Variants in ENTHD1 observed in about 807,000 individuals in gnomAD.
ENTHD1 encodes the protein ENTH domain-containing protein 1.
A neutral mutation model predicts 39.1 loss-of-function variants in ENTHD1; 23 were observed. The ratio of observed to expected loss-of-function variants is 0.59; its 90% confidence interval spans 0.42 to 0.83. The LOEUF is 0.83. ENTHD1 is among the 40% of genes least tolerant of loss of function. The pLI is 0.00. For missense variants in ENTHD1, 624 were observed against 705.4 expected, an observed-to-expected ratio of 0.88 and a Z score of 1.31; for synonymous variants, 230 against 258.2, an observed-to-expected ratio of 0.89 and a Z score of 1.05.
chr22:39,874,027 C>CA (rs2066266155), intron 2 of ENTHD1, among the ~76,000 whole-genome samples: 1 of 152,148 alleles, frequency 6.6e-6, no homozygotes, highest in Non-Finnish European at 1.5e-5. Flanking sequence ...CAAGGAAGAG[C>CA]AAGTCACATC....
chr22:39,759,175 C>T (rs994237099), intron 6 of ENTHD1, among the ~76,000 whole-genome samples: 5 of 152,126 alleles, frequency 3.3e-5, no homozygotes, highest in Non-Finnish European at 1.5e-5. Context: ...AAAATTGGCA[C>T]ATGATTATCA....
intron 3 of ENTHD1, among the ~76,000 whole-genome samples, chr22:39,847,570 A>C (rs2066000842): frequency 6.6e-6 from 1 of 151,948 alleles, no homozygotes; most frequent in South Asian, 2.1e-4. Context: ...CAAACTTAAA[A>C]AAAAAAAGAC....
intron 3 of ENTHD1, among the ~76,000 whole-genome samples, chr22:39,844,138 G>A (rs941148740): frequency 6.6e-6 from 1 of 151,668 alleles, no homozygotes; most frequent in East Asian, 1.9e-4. Flanking sequence ...TACAATTACT[G>A]TACATCTTTC....
intron 3 of ENTHD1, among the ~76,000 whole-genome samples, chr22:39,855,297 T>C (rs1292529575): frequency 1.3e-5 from 2 of 152,236 alleles, no homozygotes; most frequent in Non-Finnish European, 2.9e-5. Context: ...TTAGCTCATT[T>C]ATGAATTGCT....
chr22:39,863,830 G>A (rs1432347524), intron 2 of ENTHD1, among the ~76,000 whole-genome samples: 1 of 152,196 alleles, frequency 6.6e-6, no homozygotes, highest in East Asian at 1.9e-4. Context: ...GATGACAGTG[G>A]CCAACGATGT....
At position 39,861,892 on chromosome 22, in the gene ENTHD1, T is replaced by C. The variant is rs754201914; in HGVS notation, c.465A>G (p.Ile155Met). The C allele has an allele frequency of 6.2e-7, 1 of 1,606,138 alleles. No individual in the cohort carries two copies. The highest frequency in any genetic ancestry group is 1.1e-5 in the South Asian group (1 of 89,918). ...CRTRQRTSHS[I>M]LFSKRQLGSS... ...AACCAAGTTGTCTTTTAGAAAACAATATAGAGTGGGAGGTACGCTGTCTAG... is the reference window on the plus strand; with the variant it reads ...AACCAAGTTGTCTTTTAGAAAACAACATAGAGTGGGAGGTACGCTGTCTAG... The change falls in exon 3 of 7, where the codon ATA (isoleucine) becomes ATG (methionine). Residue 155 changes from isoleucine to methionine, a missense_variant. Coordinates refer to ENST00000325157, the MANE Select transcript of ENTHD1 (RefSeq NM_152512.4).
At chr22:39,783,406 A>C (rs548895260) in intron 5 of ENTHD1, among the ~76,000 whole-genome samples, 1 of 152,304 alleles carries the variant, frequency 6.6e-6, no homozygotes, top group East Asian at 1.9e-4. Context: ...ACAATCCTAA[A>C]ATTTATATGG....
intron 3 of ENTHD1, 135 bp downstream of exon 3, chr22:39,861,630 A>C (rs574947365): frequency 1.5e-6 from 1 of 676,998 alleles, no homozygotes; most frequent in Non-Finnish European, 2.1e-6. Flanking sequence ...GTTGTTTTCT[A>C]TAGTATGAAG....
chr22:39,808,661 G>A (rs1213736302), intron 5 of ENTHD1, among the ~76,000 whole-genome samples: 1 of 152,096 alleles, frequency 6.6e-6, no homozygotes, highest in East Asian at 1.9e-4. Context: ...TAGGTTGGAT[G>A]GCTTCTTGAC....
rs1280579658 is a variant in ENTHD1, at chr22:39,743,952, G to A, written c.1551C>T (p.Ser517=). The change falls in exon 7 of 7, where the codon TCC becomes TCT. Residue 517 remains serine, a synonymous_variant. Coordinates refer to ENST00000325157, the MANE Select transcript of ENTHD1 (RefSeq NM_152512.4). ...HISSSHWGEF[S]TQNVDQFIPL... is the part of the protein sequence containing the mutation. ...GGATGAACTGGTCTACATTTTGGGT[G>A]GAAAACTCCCCCCAGTGACTACTAG... The A allele has an allele frequency of 1.2e-6, 2 of 1,614,094 alleles. No homozygotes were observed. Among genetic ancestry groups the A allele is most frequent in the South Asian group, 1.1e-5 (1 of 91,074 alleles).
At chr22:39,865,934 C>T (rs1489927298) in intron 2 of ENTHD1, among the ~76,000 whole-genome samples, 1 of 152,210 alleles carries the variant, frequency 6.6e-6, no homozygotes, top group Non-Finnish European at 1.5e-5. Flanking sequence ...TGCATTTTCT[C>T]TTCTTGCAAG....
At chr22:39,800,998 T>C (rs2065594307) in intron 5 of ENTHD1, among the ~76,000 whole-genome samples, 1 of 152,184 alleles carries the variant, frequency 6.6e-6, no homozygotes, top group African/African-American at 2.4e-5. Context: ...AGGAGGTCAC[T>C]AACAAAGGTA....
intron 1 of ENTHD1, among the ~76,000 whole-genome samples, chr22:39,892,709 G>A (rs555226068): frequency 6.6e-6 from 1 of 152,310 alleles, no homozygotes; most frequent in Admixed American, 6.5e-5. Context: ...TGAGTGTCCA[G>A]AGCTATCTCT....
chr22:39,876,053 A>G (rs1172866136), intron 2 of ENTHD1: 2 of 1,613,808 alleles, frequency 1.2e-6, no homozygotes, highest in Non-Finnish European at 1.7e-6. Context: ...GGGTCCTGCT[A>G]CTCTCAACCT....
At chr22:39,813,909 CAACA>C (rs1288505685) in intron 5 of ENTHD1, among the ~76,000 whole-genome samples, 1 of 151,930 alleles carries the variant, frequency 6.6e-6, no homozygotes, top group Non-Finnish European at 1.5e-5. Flanking sequence ...TCATTTTCAT[CAACA>C]AACAGAAAAT....
chr22:39,868,373 G>T (rs1311877051), intron 2 of ENTHD1, among the ~76,000 whole-genome samples: 1 of 147,798 alleles, frequency 6.8e-6, no homozygotes. Context: ...AAAAAGGAAG[G>T]AAATGAACAT....
At chr22:39,783,164 C>T (rs1289605099) in intron 5 of ENTHD1, among the ~76,000 whole-genome samples, 1 of 152,006 alleles carries the variant, frequency 6.6e-6, no homozygotes, top group African/African-American at 2.4e-5. Flanking sequence ...ATCATAAAAG[C>T]AATCCCATTT....
intron 5 of ENTHD1, among the ~76,000 whole-genome samples, chr22:39,791,454 GCATGACCTCAGCTCACTGCAACCTC>G (rs1260887105): frequency 9.2e-5 from 14 of 151,920 alleles, no homozygotes; most frequent in African/African-American, 3.1e-4. Flanking sequence ...GAGTGCAGTG[GCATGACCTCAGCTCACTGCAACCTC>G]CACCTCCTGG....
intron 6 of ENTHD1, among the ~76,000 whole-genome samples, chr22:39,760,840 C>T (rs1490714729): frequency 1.3e-5 from 2 of 152,024 alleles, no homozygotes; most frequent in African/African-American, 2.4e-5. Context: ...TAATACTGTA[C>T]TATTTCATGT....
Sources: allele counts gnomAD v4.1 joint callset (sites outside exome capture counted in the v4.1 genomes callset), GRCh38; gene constraint gnomAD v4.1.1; transcripts MANE v1.5; gene names NCBI Gene and HGNC (gene_info 2026-07-23, HGNC 2026-07-21).